Variants in PEMT observed in about 807,000 individuals in gnomAD.
PEMT encodes the protein phospholipid methyltransferase.
In PEMT, 23 loss-of-function variants were observed where a neutral mutation model predicts 27.4. That is an observed-to-expected ratio of 0.84 (90% confidence interval 0.60 to 1.19). The LOEUF (loss-of-function observed/expected upper bound fraction) is 1.19, where lower values mean the gene tolerates loss of function less well. Ranked by LOEUF, PEMT falls within the 50% of genes most tolerant of loss-of-function variation. The pLI is 0.00. For synonymous variants in PEMT, 137 were observed against 139.1 expected, an observed-to-expected ratio of 0.98 and a Z score of 0.11; for missense variants, 307 against 310.1, an observed-to-expected ratio of 0.99 and a Z score of 0.07.
At chr17:17,536,995 G>T (rs570773338) in intron 2 of PEMT, among the ~76,000 whole-genome samples, 1 of 152,216 alleles carries the variant, frequency 6.6e-6, no homozygotes, top group African/African-American at 2.4e-5. Context: ...CAGGTAAGAC[G>T]GCCTCAGCTG....
In PEMT at chr17:17,512,303, C is replaced by T. The variant is rs541864819; in HGVS notation, c.466+206G>A. ...CTCCCCAGGAGGCAGCCGCTCAGCACGCTGGGGTAAGAGGAGCTGTTGGAG... is the reference window on the plus strand; with the variant it reads ...CTCCCCAGGAGGCAGCCGCTCAGCATGCTGGGGTAAGAGGAGCTGTTGGAG... On this transcript the variant is annotated intron_variant, in intron 4 of 6. Coordinates refer to ENST00000255389, the MANE Select transcript of PEMT (RefSeq NM_148172.3). The surrounding 1 kb of genome is among the most constrained non-coding windows in gnomAD (Gnocchi z 6.3). 7.9e-5 allele frequency among the ~76,000 whole-genome samples: 12 copies of T among 152,210 alleles called. No homozygotes were observed. Among genetic ancestry groups the T allele is most frequent in the Non-Finnish European group, 1.8e-4 (12 of 68,038 alleles).
intron 2 of PEMT, among the ~76,000 whole-genome samples, chr17:17,529,001 G>A (rs1278758789): frequency 6.6e-6 from 1 of 152,246 alleles, no homozygotes; most frequent in Non-Finnish European, 1.5e-5. Flanking sequence ...GCGCATCCCA[G>A]CGGGGCCTGG....
Position 17,522,262 on chromosome 17 carries a change from T to C in PEMT, c.320+18A>G, listed in dbSNP as rs769909457. 6.4e-6 allele frequency: 10 copies of C among 1,561,172 alleles called. No homozygotes were observed. The Admixed American group carries it at 1.7e-4, about 26-fold the overall frequency. ...TAGCCCAGGGGTTGTGGCTCCCCAG[T>C]GAGAGAGCTGTGCTTACCAGTGCGA... On this transcript the variant is annotated intron_variant, in intron 3 of 6. Transcript: ENST00000255389.
intron 1 of PEMT, among the ~76,000 whole-genome samples, chr17:17,577,822 C>T (rs928105492): frequency 6.6e-6 from 1 of 151,952 alleles, no homozygotes; most frequent in African/African-American, 2.4e-5. Flanking sequence ...TCAAGACCAT[C>T]CTGGCTAACA....
At chr17:17,587,246 A>AG (rs1912365303) in intron 1 of PEMT, among the ~76,000 whole-genome samples, 1 of 152,128 alleles carries the variant, frequency 6.6e-6, no homozygotes, top group Non-Finnish European at 1.5e-5. Flanking sequence ...CAGAAATAAA[A>AG]GGGGGGACTT....
At chr17:17,519,680 G>T (rs1001789836) in intron 3 of PEMT, among the ~76,000 whole-genome samples, 2 of 152,198 alleles carry the variant, frequency 1.3e-5, no homozygotes, top group Non-Finnish European at 2.9e-5. Context: ...GTGGATGACG[G>T]GGGCAGACCT....
In PEMT at chr17:17,527,441, G is replaced by A. The variant is rs116717570; in HGVS notation, c.205-5046C>T. ...ACCCCAGTGCCCAGCAGGGCAGCTC[G>A]TGGCTCCCAGCGCCAGGTTCTGGGC... On this transcript the variant is annotated intron_variant, in intron 2 of 6. Coordinates refer to ENST00000255389, the MANE Select transcript of PEMT (RefSeq NM_148172.3). 9.4e-3 allele frequency among the ~76,000 whole-genome samples: 1,431 copies of A among 152,324 alleles called. 32 individuals carry two copies. The highest frequency in any genetic ancestry group is 0.032 in the African/African-American group (1,348 of 41,578).
intron 2 of PEMT, among the ~76,000 whole-genome samples, chr17:17,530,421 G>A (rs569072652): frequency 2.0e-5 from 3 of 152,140 alleles, no homozygotes; most frequent in Admixed American, 6.5e-5. Context: ...CTTGAACCCC[G>A]GAGGCGGAGG....
chr17:17,548,010 A>C (rs1169657140), intron 2 of PEMT, among the ~76,000 whole-genome samples: 1 of 152,232 alleles, frequency 6.6e-6, no homozygotes, highest in Non-Finnish European at 1.5e-5. Flanking sequence ...CACCCCAAAG[A>C]AATCTGATGG....
At chr17:17,514,119 C>G (rs1906619920) in intron 3 of PEMT, among the ~76,000 whole-genome samples, 1 of 152,228 alleles carries the variant, frequency 6.6e-6, no homozygotes, top group Admixed American at 6.5e-5. Context: ...CATGAAGTAT[C>G]TTTGTTTGCT....
chr17:17,536,259 G>C (rs548247755), intron 2 of PEMT, among the ~76,000 whole-genome samples: 1 of 152,370 alleles, frequency 6.6e-6, no homozygotes, highest in Admixed American at 6.5e-5. Flanking sequence ...GACTTGCCAA[G>C]GACACACAGT....
At chr17:17,574,259 A>AG (rs1218289382) in intron 2 of PEMT, among the ~76,000 whole-genome samples, 3 of 144,280 alleles carry the variant, frequency 2.1e-5, no homozygotes, top group Non-Finnish European at 4.6e-5. Flanking sequence ...AAAAAAAAAA[A>AG]AAAAAACCGT....
chr17:17,548,415 G>A (rs1909408717), intron 2 of PEMT, among the ~76,000 whole-genome samples: 1 of 152,214 alleles, frequency 6.6e-6, no homozygotes, highest in South Asian at 2.1e-4. Flanking sequence ...GAGGAAGAGG[G>A]ATTCCAAAGC....
intron 2 of PEMT, among the ~76,000 whole-genome samples, chr17:17,533,026 C>CA (rs1000358631): frequency 1.1e-4 from 16 of 152,094 alleles, no homozygotes; most frequent in Non-Finnish European, 1.5e-4. Context: ...GGCTCCATCT[C>CA]AAAAAAACAC....
In PEMT at chr17:17,522,366, C is replaced by T. The variant is rs138507527; in HGVS notation, c.234G>A (p.Lys78=). The T allele has an allele frequency of 3.1e-5, 50 of 1,613,274 alleles. No individual in the cohort carries two copies. The highest frequency in any genetic ancestry group is 3.9e-5 in the Non-Finnish European group (46 of 1,179,746). ...VVARWEHKTR[K]LSRAFGSPYL... ...AGGGGGATCCGAAGGCCCTGCTCAG[C>T]TTGCGGGTCTTGTGTTCCCATCGTG... Residue 78 remains lysine, a synonymous_variant, in exon 3 of 7, where the codon AAG becomes AAA. Transcript: ENST00000255389.
intron 4 of PEMT, among the ~76,000 whole-genome samples, chr17:17,509,981 T>G (rs1906238308): frequency 6.6e-6 from 1 of 152,124 alleles, no homozygotes; most frequent in South Asian, 2.1e-4. Flanking sequence ...CCACTCTTCC[T>G]CGCTCTGGTG....
In PEMT at chr17:17,531,652, TCAATC is replaced by T. The variant is rs1009451973; in HGVS notation, c.205-9262_205-9258del. Reference sequence around the variant, plus strand: ...AAAAAAAAAAAAAAAAAAAAGAACTTCAATCCATAACTCAGAAAAAATATAAAAAT... The same window carrying T: ...AAAAAAAAAAAAAAAAAAAAGAACTTCATAACTCAGAAAAAATATAAAAAT... On this transcript the variant is annotated intron_variant, in intron 2 of 6. Coordinates refer to ENST00000255389, the MANE Select transcript of PEMT (RefSeq NM_148172.3). 8.9e-5 allele frequency among the ~76,000 whole-genome samples: 12 copies of T among 134,580 alleles called. No individual in the cohort carries two copies. The East Asian group carries it at 2.7e-3, about 30-fold the overall frequency. 88.3% of individuals were successfully genotyped at this position (134,580 alleles called of 152,430 possible).
chr17:17,582,289 C>T lies in PEMT; in HGVS notation c.97-5262G>A. The T allele has an allele frequency of 1.0e-6, 1 of 985,548 alleles. No homozygotes were observed. The highest frequency in any genetic ancestry group is 4.7e-5 in the South Asian group (1 of 21,290). The allele number at this position is 985,548 out of a possible 1,614,324, so 61.1% of individuals were successfully genotyped here. Reference sequence around the variant, plus strand: ...CACCACGGCCAGGAGGTCTGCTGAGCTGCAGGAATAGCTCGAGTCCCACAG... The same window carrying T: ...CACCACGGCCAGGAGGTCTGCTGAGTTGCAGGAATAGCTCGAGTCCCACAG... On this transcript the variant is annotated intron_variant, in intron 1 of 6. Coordinates refer to ENST00000255389, the MANE Select transcript of PEMT (RefSeq NM_148172.3). The surrounding 1 kb of genome is among the most constrained non-coding windows in gnomAD (Gnocchi z 4.9).
At chr17:17,569,659 G>A (rs1215883425) in intron 2 of PEMT, among the ~76,000 whole-genome samples, 1 of 152,196 alleles carries the variant, frequency 6.6e-6, no homozygotes, top group East Asian at 1.9e-4. Flanking sequence ...AGGCAACTCT[G>A]CCTAGAAATC....
Sources: allele counts gnomAD v4.1 joint callset (sites outside exome capture counted in the v4.1 genomes callset), GRCh38; gene constraint gnomAD v4.1.1; non-coding constraint Gnocchi (gnomAD v3.1); transcripts MANE v1.5; gene names NCBI Gene and HGNC (gene_info 2026-07-23, HGNC 2026-07-21).